The following PUS1 variants were observed in gnomAD, a reference collection of about 807,000 sequenced individuals.
PUS1 encodes pseudouridylate synthase 1 homolog.
In PUS1, 25 loss-of-function variants were observed where a neutral mutation model predicts 38.5. That is an observed-to-expected ratio of 0.65 (90% confidence interval 0.47 to 0.91). PUS1 has a LOEUF of 0.91. Ranked by LOEUF, PUS1 falls within the 40% of genes least tolerant of loss-of-function variation. The pLI, the probability that PUS1 is intolerant of heterozygous loss-of-function variation, is 0.00. For synonymous variants in PUS1, 282 were observed against 260.4 expected, an observed-to-expected ratio of 1.08 and a Z score of -0.80; for missense variants, 597 against 612.3, an observed-to-expected ratio of 0.97 and a Z score of 0.26.
In PUS1 at chr12:131,939,373, T is replaced by C. The variant is rs73162967; in HGVS notation, c.544+98T>C. The C allele has an allele frequency of 6.9e-3, 5,648 of 820,582 alleles. 28 individuals carry two copies. Among genetic ancestry groups the C allele is most frequent in the Non-Finnish European group, 9.8e-3 (4,798 of 489,726 alleles). 50.8% of individuals were successfully genotyped at this position (820,582 alleles called of 1,614,324 possible). A position where few individuals can be genotyped will look rare whatever the true frequency, so the allele number is the denominator to read the frequency against. On this transcript the variant is annotated intron_variant, in intron 4 of 5. Transcript: ENST00000376649. ...TCCTGCCTTTTCCAACTGTCTCTGA[T>C]GCAGAAGCGTAGTCAGAGTTGCTTT... is the stretch of plus-strand genomic sequence containing the variant.
chr12:131,939,389 G>C (rs1593294671), intron 4 of PUS1, 114 bp downstream of exon 4: 2 of 771,630 alleles, frequency 2.6e-6, no homozygotes, highest in African/African-American at 1.7e-5. Flanking sequence ...AGCGTAGTCA[G>C]AGTTGCTTTG....
At chr12:131,936,656 A>G (rs544897978) in intron 3 of PUS1, among the ~76,000 whole-genome samples, 2 of 152,290 alleles carry the variant, frequency 1.3e-5, no homozygotes, top group South Asian at 2.1e-4. Context: ...TGGGAGGCCA[A>G]AGTGGACGGA....
In PUS1 at chr12:131,930,143, C is replaced by A; in HGVS notation, c.303+8C>A. 1 of 1,419,152 alleles carries A rather than the reference C, an allele frequency of 7.0e-7. No individual in the cohort carries two copies. The highest frequency in any genetic ancestry group is 1.6e-5 in the South Asian group (1 of 60,786). The allele number at this position is 1,419,152 out of a possible 1,614,324, so 87.9% of individuals were successfully genotyped here. On this transcript the variant is annotated splice_region_variant and intron_variant, in intron 2 of 5. Coordinates refer to ENST00000376649, the MANE Select transcript of PUS1 (RefSeq NM_025215.6). ...GGCTACCACGGCATGCAGGTGTGGCCGCCCGGGAAGCGGCAGGTCCCGCGG... is the reference window on the plus strand; with the variant it reads ...GGCTACCACGGCATGCAGGTGTGGCAGCCCGGGAAGCGGCAGGTCCCGCGG...
At chr12:131,939,339 T>A in intron 4 of PUS1, 64 bp downstream of exon 4, 1 of 1,041,704 alleles carries the variant, frequency 9.6e-7, no homozygotes, top group Non-Finnish European at 1.5e-6. Flanking sequence ...GACACGAGGC[T>A]ATGCATGCTC....
intron 3 of PUS1, among the ~76,000 whole-genome samples, chr12:131,937,510 G>A (rs1479678892): frequency 6.6e-6 from 1 of 152,118 alleles, no homozygotes; most frequent in African/African-American, 2.4e-5. Context: ...GAGTAGCTGG[G>A]ATTACAGGCA....
Position 131,944,428 on chromosome 12 carries a change from C to T in PUS1, c.*842C>T, listed in dbSNP as rs140075941. 0.036 allele frequency: 5,523 copies of T among 152,242 alleles called. 158 individuals are homozygous for T. Among genetic ancestry groups the T allele is most frequent in the South Asian group, 0.072 (348 of 4,838 alleles). 9.4% of individuals were successfully genotyped at this position (152,242 alleles called of 1,614,324 possible). On this transcript the variant is annotated 3_prime_UTR_variant, in exon 6 of 6. Coordinates refer to ENST00000376649, the MANE Select transcript of PUS1 (RefSeq NM_025215.6). ...ACTTGGGAGGCTGAGGCAGGAGAAT[C>T]GCTTGAACCTGGGAGGTGGAGATTG...
chr12:131,930,316 C>T (rs1219590989), intron 2 of PUS1, among the ~76,000 whole-genome samples, 181 bp downstream of exon 2: 1 of 152,256 alleles, frequency 6.6e-6, no homozygotes, highest in Non-Finnish European at 1.5e-5. Flanking sequence ...CGAGCTCCTG[C>T]TGCTTTCCAT....
chr12:131,940,671 T>C (rs1891024258), intron 4 of PUS1, among the ~76,000 whole-genome samples: 1 of 152,150 alleles, frequency 6.6e-6, no homozygotes, highest in Non-Finnish European at 1.5e-5. Flanking sequence ...TCCACCTGCC[T>C]CCTGGGTTCA....
Position 131,941,277 on chromosome 12 carries a change from C to G in PUS1, c.545-15C>G, listed in dbSNP as rs1476682983. On this transcript the variant is annotated splice_polypyrimidine_tract_variant and intron_variant, in intron 4 of 5. Coordinates refer to ENST00000376649, the MANE Select transcript of PUS1 (RefSeq NM_025215.6). This position sits in a 1 kb window ranked among gnomAD's most constrained non-coding sequence, Gnocchi z 4.4. ...TCTCACCTGCCTTTCTCCTCCCTGA[C>G]CACCTCCCCCCTAGGACTGAAGCGG... 9.9e-6 allele frequency: 16 copies of G among 1,612,094 alleles called. No individual in the cohort carries two copies. Among genetic ancestry groups the G allele is most frequent in the Non-Finnish European group, 1.4e-5 (16 of 1,178,478 alleles).
In PUS1 at chr12:131,929,460, CTGGGG is replaced by C. The variant is rs1890475577; in HGVS notation, c.-262_-258del. On this transcript the variant is annotated 5_prime_UTR_variant, in exon 1 of 6. Coordinates refer to ENST00000376649, the MANE Select transcript of PUS1 (RefSeq NM_025215.6). ...TGATCCGTCAGGGTCCCGGGGCGGT[CTGGGG>C]GCAGTAGAGACGGGGCTTGGGCGCG... 1 of 425,902 alleles carries C rather than the reference CTGGGG, an allele frequency of 2.3e-6. No individual in the cohort carries two copies. Among genetic ancestry groups the C allele is most frequent in the Non-Finnish European group, 4.1e-6 (1 of 241,582 alleles). 26.4% of individuals were successfully genotyped at this position (425,902 alleles called of 1,614,324 possible). A position where few individuals can be genotyped will look rare whatever the true frequency, so the allele number is the denominator to read the frequency against.
At position 131,941,211 on chromosome 12, in the gene PUS1, C is replaced by A; in HGVS notation, c.545-81C>A. On this transcript the variant is annotated intron_variant, in intron 4 of 5. Transcript: ENST00000376649. This position sits in a 1 kb window ranked among gnomAD's most constrained non-coding sequence, Gnocchi z 4.4. ...TGCTCTGGGTAAGGAGACGCTGGGG[C>A]TCACGCCGTGCTCAGGCTGCTCCCT... 1 of 1,256,228 alleles carries A rather than the reference C, an allele frequency of 8.0e-7. No homozygotes were observed. The highest frequency in any genetic ancestry group is 1.8e-4 in the Middle Eastern group (1 of 5,434). The allele number at this position is 1,256,228 out of a possible 1,614,324, so 77.8% of individuals were successfully genotyped here.
At chr12:131,932,374 A>G in intron 3 of PUS1, 62 bp downstream of exon 3, 2 of 1,583,182 alleles carry the variant, frequency 1.3e-6, no homozygotes, top group Non-Finnish European at 1.7e-6. Flanking sequence ...CCCACTTTCC[A>G]GCTCAGTGTT....
At chr12:131,935,936 C>T (rs564515065) in intron 3 of PUS1, among the ~76,000 whole-genome samples, 107 of 152,032 alleles carry the variant, frequency 7.0e-4, no homozygotes, top group African/African-American at 2.4e-3. Context: ...TTTGGACGGG[C>T]GTGGTGGCTC....
At chr12:131,930,396 T>C (rs2085726881) in intron 2 of PUS1, among the ~76,000 whole-genome samples, 1 of 152,200 alleles carries the variant, frequency 6.6e-6, no homozygotes, top group African/African-American at 2.4e-5. Context: ...TGAGTCCTCA[T>C]CTTTAGGATG....
intron 3 of PUS1, chr12:131,935,026 C>G (rs965738238): frequency 6.6e-6 from 1 of 152,088 alleles, no homozygotes; most frequent in Non-Finnish European, 1.5e-5. Context: ...TCCACAAGTT[C>G]ACTCCTAGTG....
Position 131,941,050 on chromosome 12 carries a change from C to A in PUS1, c.545-242C>A, listed in dbSNP as rs151187817. 2.1e-5 allele frequency: 12 copies of A among 558,660 alleles called. No homozygotes were observed. The highest frequency in any genetic ancestry group is 3.5e-5 in the Non-Finnish European group (11 of 311,830). 34.6% of individuals were successfully genotyped at this position (558,660 alleles called of 1,614,324 possible). A position where few individuals can be genotyped will look rare whatever the true frequency, so the allele number is the denominator to read the frequency against. On this transcript the variant is annotated intron_variant, in intron 4 of 5. Transcript: ENST00000376649. The surrounding 1 kb of genome is among the most constrained non-coding windows in gnomAD (Gnocchi z 4.4). ...GTATCTTCTCACTATTGGAAAATTA[C>A]AATAAATGGTTGTAAATTCAGTCAC...
chr12:131,929,829 G>T (rs753225111), intron 1 of PUS1, 33 bp downstream of exon 1: 3 of 1,479,430 alleles, frequency 2.0e-6, no homozygotes, highest in South Asian at 2.4e-5. Flanking sequence ...ACCCCGCTAT[G>T]CCCGCCCAGC....
In PUS1 at chr12:131,945,179, G is replaced by T. The variant is rs546689635; in HGVS notation, c.*1593G>T. The T allele has an allele frequency of 1.2e-4, 19 of 152,558 alleles. 1 individual carries two copies. The highest frequency in any genetic ancestry group is 4.1e-4 in the African/African-American group (17 of 41,608). The allele number at this position is 152,558 out of a possible 1,614,324, so 9.5% of individuals were successfully genotyped here. ...GTGAGTGACATGTGCACGTGCCCAT[G>T]ATGCGGTGGACACCGTGTGTGAGAA... On this transcript the variant is annotated 3_prime_UTR_variant, in exon 6 of 6. Transcript: ENST00000376649.
chr12:131,942,652 C>T (rs180931117), intron 5 of PUS1, among the ~76,000 whole-genome samples: 2,472 of 152,254 alleles, frequency 0.016, 50 homozygotes, highest in South Asian at 0.096. Context: ...GTGATCCACC[C>T]GCCTTGGCCT....
Sources: gnomAD v4.1 joint callset for allele counts (sites outside exome capture counted in the v4.1 genomes callset) on GRCh38, gnomAD v4.1.1 for gene constraint, Gnocchi (gnomAD v3.1) non-coding constraint, MANE v1.5 for transcripts, NCBI Gene and HGNC (gene_info 2026-07-23, HGNC 2026-07-21) for gene names.